Variants in MAP4K5 observed in about 807,000 individuals in gnomAD.
MAP4K5 encodes the protein MAPK/ERK kinase kinase kinase 5.
In MAP4K5, 82 loss-of-function variants were observed where a neutral mutation model predicts 135.6. The ratio of observed to expected loss-of-function variants is 0.60; its 90% CI spans 0.51 to 0.73. The LOEUF is 0.73. MAP4K5 is among the 30% of genes least tolerant of loss of function. The pLI, the probability that MAP4K5 is intolerant of heterozygous loss-of-function variation, is 0.00. For synonymous variants in MAP4K5, 347 were observed against 335.0 expected (o/e 1.04, Z -0.39); for missense variants, 907 against 1,010.9 (o/e 0.90, Z 1.39).
intron 9 of MAP4K5, among the ~76,000 whole-genome samples, chr14:50,473,451 C>T (rs2037014048): frequency 1.3e-5 from 2 of 152,042 alleles, no homozygotes; most frequent in South Asian, 4.1e-4. Context: ...TATTATTTTA[C>T]TAACTGCTTC....
intron 9 of MAP4K5, among the ~76,000 whole-genome samples, chr14:50,473,716 C>CCTTT (rs1313361730): frequency 4.2e-5 from 4 of 95,502 alleles, no homozygotes; most frequent in African/African-American, 1.9e-4. Context: ...TTTGGTTTCA[C>CCTTT]TTTTTTTTTT....
intron 3 of MAP4K5, among the ~76,000 whole-genome samples, chr14:50,489,093 G>T (rs2037428820): frequency 6.6e-6 from 1 of 152,142 alleles, no homozygotes; most frequent in Non-Finnish European, 1.5e-5. Flanking sequence ...TTTCCACTGA[G>T]ATGTGGCATA....
At chr14:50,443,888 GATAA>G (rs1460011815) in intron 19 of MAP4K5, 47 bp downstream of exon 19, 48 of 1,472,146 alleles carry the variant, frequency 3.3e-5, no homozygotes, top group African/African-American at 4.2e-5. Context: ...CCCCTTGCAT[GATAA>G]ATATAGTATT....
chr14:50,560,554 C>G (rs777890966), intron 1 of MAP4K5: 68 of 542,620 alleles, frequency 1.3e-4, no homozygotes, highest in Admixed American at 4.1e-4. Flanking sequence ...TTCCCCACCC[C>G]CCTCCCGCCT....
At chr14:50,484,660 C>T (rs1009120704) in intron 5 of MAP4K5, among the ~76,000 whole-genome samples, 5 of 152,178 alleles carry the variant, frequency 3.3e-5, no homozygotes, top group East Asian at 1.9e-4. Context: ...TTTTAAGTGC[C>T]GCACAGTATT....
intron 15 of MAP4K5, 110 bp downstream of exon 15, chr14:50,448,664 T>A: frequency 1.7e-6 from 1 of 599,210 alleles, no homozygotes; most frequent in South Asian, 2.5e-5. Context: ...TTGTCAAAAT[T>A]AATGCTTAAA....
At chr14:50,471,974 G>A (rs2036974747) in intron 9 of MAP4K5, 1 of 152,574 alleles carries the variant, frequency 6.6e-6, no homozygotes, top group Non-Finnish European at 1.5e-5. Context: ...TCATACTGGA[G>A]AGAAACCCTA....
At chr14:50,460,977 A>G (rs1479849861) in intron 13 of MAP4K5, among the ~76,000 whole-genome samples, 1 of 152,198 alleles carries the variant, frequency 6.6e-6, no homozygotes, top group Non-Finnish European at 1.5e-5. Context: ...TATTTGGCCT[A>G]ATACTTGGCA....
chr14:50,496,223 G>C (rs1182414695), intron 3 of MAP4K5, among the ~76,000 whole-genome samples: 1 of 152,066 alleles, frequency 6.6e-6, no homozygotes, highest in East Asian at 1.9e-4. Context: ...GTACTCGGGA[G>C]GCTGAGGCAG....
chr14:50,463,908 AAAAAAAAAAAAAAAAAAAAAG>A, intron 12 of MAP4K5, 123 bp downstream of exon 12: 1 of 221,924 alleles, frequency 4.5e-6, no homozygotes, highest in Non-Finnish European at 8.7e-6. Context: ...AAAAAAAAAA[AAAAAAAAAAAAAAAAAAAAAG>A]TTTGCTGACC....
chr14:50,477,773 T>C (rs1752654523), intron 6 of MAP4K5, among the ~76,000 whole-genome samples: 1 of 152,222 alleles, frequency 6.6e-6, no homozygotes. Context: ...AAATGATTTT[T>C]GGATATTAAA....
intron 2 of MAP4K5, among the ~76,000 whole-genome samples, chr14:50,507,410 C>T (rs1207967057): frequency 6.6e-6 from 1 of 152,164 alleles, no homozygotes; most frequent in Non-Finnish European, 1.5e-5. Context: ...AATGTGTTTG[C>T]TCTTGCTTCT....
Position 50,447,413 on chromosome 14 carries a change from C to T in MAP4K5, c.1142+1G>A. 4 of 1,533,666 alleles carry T rather than the reference C, an allele frequency of 2.6e-6. No homozygotes were observed. Among genetic ancestry groups the T allele is most frequent in the Non-Finnish European group, 2.6e-6 (3 of 1,134,200 alleles). On this transcript the variant is annotated splice_donor_variant, in intron 16 of 32. Transcript: ENST00000682126. LOFTEE classifies it high-confidence loss of function. ...AGTTATTAAATTAGAAAACAACTTA[C>T]TTGCCAGTATTTGCACCATCAACAA...
chr14:50,560,351 C>G (rs756477850), intron 1 of MAP4K5: 2 of 1,602,620 alleles, frequency 1.2e-6, no homozygotes, highest in East Asian at 4.5e-5. Flanking sequence ...TCTGGCCCTC[C>G]ACTTTCTGCT....
At chr14:50,460,158 G>T (rs1020369186) in intron 13 of MAP4K5, among the ~76,000 whole-genome samples, 1 of 152,062 alleles carries the variant, frequency 6.6e-6, no homozygotes, top group Non-Finnish European at 1.5e-5. Flanking sequence ...CACTTCTACA[G>T]TAGTGAGTTT....
chr14:50,557,511 A>G (rs2038778852), intron 1 of MAP4K5, among the ~76,000 whole-genome samples: 2 of 152,318 alleles, frequency 1.3e-5, no homozygotes, highest in South Asian at 4.1e-4. Context: ...TAGCTTATAA[A>G]GATCTTCTGT....
At chr14:50,451,196 C>G (rs1003959243) in intron 14 of MAP4K5, among the ~76,000 whole-genome samples, 3 of 151,756 alleles carry the variant, frequency 2.0e-5, no homozygotes, top group African/African-American at 4.8e-5. Flanking sequence ...AGACTCAATA[C>G]TGTAAAAAAG....
At chr14:50,539,143 T>G (rs2038530419) in intron 2 of MAP4K5, among the ~76,000 whole-genome samples, 1 of 152,246 alleles carries the variant, frequency 6.6e-6, no homozygotes, top group Admixed American at 6.5e-5. Context: ...GATGATTACT[T>G]GTATAAACTA....
At chr14:50,459,969 G>A (rs1189915699) in intron 13 of MAP4K5, among the ~76,000 whole-genome samples, 1 of 152,186 alleles carries the variant, frequency 6.6e-6, no homozygotes, top group East Asian at 1.9e-4. Flanking sequence ...CCACAGTGCT[G>A]AGATTACAGA....
Sources: gnomAD v4.1 joint callset for allele counts (sites outside exome capture counted in the v4.1 genomes callset) on GRCh38, gnomAD v4.1.1 for gene constraint, MANE v1.5 for transcripts, NCBI Gene and HGNC (gene_info 2026-07-23, HGNC 2026-07-21) for gene names.